DCP1B: variants seen among roughly 807,000 people sequenced by gnomAD.
DCP1B encodes mRNA-decapping enzyme 1B.
A neutral mutation model predicts 60.5 loss-of-function variants in DCP1B; 47 were observed. That is an observed-to-expected ratio of 0.78 (90% CI 0.61 to 0.99). The LOEUF (loss-of-function observed/expected upper bound fraction) is 0.99. DCP1B is among the 50% of genes least tolerant of loss of function. The pLI is 0.00. For missense variants in DCP1B, 725 were observed against 756.8 expected, an observed-to-expected ratio of 0.96 and a Z score of 0.49; for synonymous variants, 267 against 280.3, an observed-to-expected ratio of 0.95 and a Z score of 0.47.
chr12:1,957,861 C>T (rs1565764336), intron 5 of DCP1B, among the ~76,000 whole-genome samples: 1 of 152,246 alleles, frequency 6.6e-6, no homozygotes, highest in African/African-American at 2.4e-5. Context: ...TCACTTTACC[C>T]ATATCATATA....
At chr12:1,999,108 G>C (rs4405378) in intron 1 of DCP1B, among the ~76,000 whole-genome samples, 1 of 152,186 alleles carries the variant, frequency 6.6e-6, no homozygotes, top group Non-Finnish European at 1.5e-5. Context: ...GAACTTATTA[G>C]AAATGCAAGC....
At chr12:1,963,941 T>A (rs1188489270) in intron 5 of DCP1B, among the ~76,000 whole-genome samples, 1 of 152,196 alleles carries the variant, frequency 6.6e-6, no homozygotes, top group Non-Finnish European at 1.5e-5. Context: ...CTTATTAGAT[T>A]TGATTTTTTT....
intron 8 of DCP1B, 53 bp from the exon 9 acceptor site, chr12:1,946,339 A>G: frequency 1.4e-6 from 2 of 1,444,168 alleles, no homozygotes; most frequent in South Asian, 1.3e-5. Flanking sequence ...GGCAGACACA[A>G]AAGGCTTCCT....
chr12:1,973,016 C>T (rs1368235571), intron 3 of DCP1B, among the ~76,000 whole-genome samples: 3 of 152,200 alleles, frequency 2.0e-5, no homozygotes, highest in Non-Finnish European at 4.4e-5. Flanking sequence ...GTACTTCTTC[C>T]CCATTTGGAA....
intron 3 of DCP1B, among the ~76,000 whole-genome samples, chr12:1,989,471 T>G (rs1043384557): frequency 5.9e-5 from 9 of 152,194 alleles, no homozygotes; most frequent in Non-Finnish European, 1.3e-4. Flanking sequence ...TCCCAGCCCT[T>G]TGGGAGGCCA....
Position 1,993,289 on chromosome 12 carries a change from A to G in DCP1B, c.294T>C (p.Pro98=). The part of the protein sequence containing the change: ...TKDLDFQLQD[P]FLLYRNARLS... ...ATCTGGCATTTCTGTAGAGAAGGAA[A>G]GGGTCCTGGAGTTGGAAATCCAAGT... The change falls in exon 3 of 9, where the codon CCT becomes CCC. Residue 98 remains proline, a synonymous_variant. Coordinates refer to ENST00000280665, the MANE Select transcript of DCP1B (RefSeq NM_152640.5). 1 of 1,614,156 alleles carries G rather than the reference A, an allele frequency of 6.2e-7. No homozygotes were observed.
intron 1 of DCP1B, among the ~76,000 whole-genome samples, chr12:2,001,037 CA>C (rs55946150): frequency 0.57 from 70,776 of 124,214 alleles, 16,700 homozygotes; most frequent in Middle Eastern, 0.61. Flanking sequence ...GACTTCGTCT[CA>C]AAAAAAAAAA....
intron 1 of DCP1B, among the ~76,000 whole-genome samples, chr12:2,001,037 C>CA (rs55946150): frequency 1.6e-3 from 203 of 124,304 alleles, no homozygotes; most frequent in East Asian, 4.5e-3. Context: ...GACTTCGTCT[C>CA]AAAAAAAAAA....
Position 1,971,634 on chromosome 12 carries a change from C to T in DCP1B, c.320-3724G>A. On this transcript the variant is annotated intron_variant, in intron 3 of 8. Coordinates refer to ENST00000280665, the MANE Select transcript of DCP1B (RefSeq NM_152640.5). The surrounding 1 kb of genome is among the most constrained non-coding windows in gnomAD (Gnocchi z 4.2). ...ATTTCTTCAGTGGAAAAACCAAAAG[C>T]TGGTCAAATTTTAAGAGGCTAGTTA... Among the ~76,000 whole-genome samples the T allele has an allele frequency of 6.6e-6, 1 of 152,068 alleles. No homozygotes were observed. Among genetic ancestry groups the T allele is most frequent in the East Asian group, 1.9e-4 (1 of 5,194 alleles).
chr12:1,969,857 C>T (rs2031779676), intron 3 of DCP1B, among the ~76,000 whole-genome samples: 1 of 152,080 alleles, frequency 6.6e-6, no homozygotes, highest in Non-Finnish European at 1.5e-5. Flanking sequence ...AAACTAGGAG[C>T]CTGGCCTATT....
At chr12:1,967,938 A>G (rs2031399005) in intron 3 of DCP1B, 28 bp from the exon 4 acceptor site, 2 of 1,589,568 alleles carry the variant, frequency 1.3e-6, no homozygotes, top group South Asian at 1.1e-5. Context: ...CAAACAAATT[A>G]TGAGCATCTT....
At chr12:1,969,545 CTTTTTTT>C (rs780218221) in intron 3 of DCP1B, among the ~76,000 whole-genome samples, 1 of 130,168 alleles carries the variant, frequency 7.7e-6, no homozygotes, top group Non-Finnish European at 1.6e-5. Context: ...GGTACACTGA[CTTTTTTT>C]TTTTTTTTTT....
At chr12:1,970,025 C>T (rs942807898) in intron 3 of DCP1B, among the ~76,000 whole-genome samples, 4 of 152,098 alleles carry the variant, frequency 2.6e-5, no homozygotes, top group Non-Finnish European at 4.4e-5. Flanking sequence ...CATGAATAGG[C>T]TCTATTAATA....
At chr12:1,963,159 T>C (rs1283301700) in intron 5 of DCP1B, among the ~76,000 whole-genome samples, 1 of 152,184 alleles carries the variant, frequency 6.6e-6, no homozygotes, top group Non-Finnish European at 1.5e-5. Flanking sequence ...GAGAATCTGG[T>C]TATCTAACTT....
At chr12:1,993,018 C>A (rs1214165034) in intron 3 of DCP1B, 1 of 649,450 alleles carries the variant, frequency 1.5e-6, no homozygotes, top group African/African-American at 1.8e-5. Flanking sequence ...CACTACAAAT[C>A]CATAAAGCTT....
chr12:1,983,357 T>C (rs1250379997), intron 3 of DCP1B, among the ~76,000 whole-genome samples: 1 of 152,088 alleles, frequency 6.6e-6, no homozygotes, highest in East Asian at 1.9e-4. Context: ...ACTTTCTTCT[T>C]TTCCAATACA....
intron 1 of DCP1B, among the ~76,000 whole-genome samples, chr12:2,003,580 T>A (rs1274280204): frequency 6.6e-6 from 1 of 152,174 alleles, no homozygotes; most frequent in African/African-American, 2.4e-5. Context: ...ATGAGGAAAA[T>A]GAAATTTCAT....
At chr12:1,989,855 G>T (rs1358222683) in intron 3 of DCP1B, among the ~76,000 whole-genome samples, 1 of 152,092 alleles carries the variant, frequency 6.6e-6, no homozygotes, top group African/African-American at 2.4e-5. Context: ...TTACTATATG[G>T]GAATATTACA....
In DCP1B at chr12:1,953,144, T is replaced by C. The variant is rs550939381; in HGVS notation, c.796A>G (p.Ile266Val). Residue 266 changes from isoleucine (I) to valine (V), a missense_variant, in exon 7 of 9, where the codon ATT becomes GTT. Transcript: ENST00000280665. ...QQQQQQEKLPIRQGVVRSLSY... is the reference protein window; with the variant it reads ...QQQQQQEKLPVRQGVVRSLSY... ...AGGGAGCGTACAACCCCCTGCCTAA[T>C]TGGAAGCTTCTCTTGCTGCTGCTGC... is the stretch of plus-strand genomic sequence containing the variant. The C allele has an allele frequency of 1.1e-5, 17 of 1,606,666 alleles. No homozygotes were observed. The East Asian group carries it at 2.3e-4, about 21-fold the overall frequency.
Sources: allele counts gnomAD v4.1 joint callset (sites outside exome capture counted in the v4.1 genomes callset), GRCh38; gene constraint gnomAD v4.1.1; non-coding constraint Gnocchi (gnomAD v3.1); transcripts MANE v1.5; gene names NCBI Gene and HGNC (gene_info 2026-07-23, HGNC 2026-07-21).